PPARD: variants seen among roughly 807,000 people sequenced by gnomAD.
PPARD encodes the protein peroxisome proliferator activated receptor delta, also known as peroxisome proliferator-activated receptor delta.
In PPARD, 6 loss-of-function variants were observed where a neutral mutation model predicts 39.5. The observed-to-expected ratio is 0.15, with a 90% CI of 0.08 to 0.30. The LOEUF (loss-of-function observed/expected upper bound fraction) is 0.30. Ranked by LOEUF, PPARD falls within the 10% of genes least tolerant of loss-of-function variation. PPARD has a pLI of 1.00. For missense variants in PPARD, 397 were observed against 596.8 expected (o/e 0.67, Z 3.49); for synonymous variants, 210 against 231.3 (o/e 0.91, Z 0.83).
chr6:35,423,851 A>G (rs1357224805), intron 5 of PPARD, 95 bp from the exon 6 acceptor site: 18 of 1,259,882 alleles, frequency 1.4e-5, no homozygotes, highest in Admixed American at 1.4e-4. Context: ...TTAGGCTCCA[A>G]AAGGATTTGG....
chr6:35,361,961 A>G (rs1169619762), intron 2 of PPARD, among the ~76,000 whole-genome samples: 2 of 152,206 alleles, frequency 1.3e-5, no homozygotes, highest in Non-Finnish European at 2.9e-5. Flanking sequence ...GATGCCACCA[A>G]TGGCATTTTT....
intron 2 of PPARD, among the ~76,000 whole-genome samples, chr6:35,362,810 G>A (rs1761997694): frequency 6.6e-6 from 1 of 152,010 alleles, no homozygotes; most frequent in Non-Finnish European, 1.5e-5. Context: ...AAGAAAATGT[G>A]TCTCAGTGGC....
chr6:35,397,560 C>G (rs199550022), intron 2 of PPARD: 2 of 985,122 alleles, frequency 2.0e-6, no homozygotes, highest in Admixed American at 6.1e-5. Flanking sequence ...AACTGAAGCC[C>G]GTGGAGCAGT....
At chr6:35,392,232 G>T (rs7758125) in intron 2 of PPARD, among the ~76,000 whole-genome samples, 1 of 151,160 alleles carries the variant, frequency 6.6e-6, no homozygotes, top group Non-Finnish European at 1.5e-5. Context: ...AACGCAGCAC[G>T]GAAGTATTTA....
intron 3 of PPARD, among the ~76,000 whole-genome samples, chr6:35,416,251 G>A (rs917989499): frequency 6.6e-6 from 1 of 151,732 alleles, no homozygotes; most frequent in Admixed American, 6.6e-5. Context: ...CTGGGCGCCT[G>A]TAATCCCAGC....
At chr6:35,348,148 T>C (rs1439602727) in intron 2 of PPARD, among the ~76,000 whole-genome samples, 2 of 152,110 alleles carry the variant, frequency 1.3e-5, no homozygotes, top group Non-Finnish European at 2.9e-5. Flanking sequence ...TGTCAGATGA[T>C]CTACCCGCCT....
chr6:35,410,706 G>A (rs1765369818), intron 2 of PPARD, among the ~76,000 whole-genome samples: 1 of 152,212 alleles, frequency 6.6e-6, no homozygotes, highest in Admixed American at 6.5e-5. Context: ...GGCAGCAGAG[G>A]AGGCAGGGAA....
intron 2 of PPARD, among the ~76,000 whole-genome samples, chr6:35,391,168 C>G (rs6915115): frequency 6.6e-6 from 1 of 151,788 alleles, no homozygotes; most frequent in Non-Finnish European, 1.5e-5. Flanking sequence ...ATAGAAAATG[C>G]GGAAGAGAGC....
intron 2 of PPARD, among the ~76,000 whole-genome samples, chr6:35,391,919 G>A (rs1401774517): frequency 2.0e-5 from 3 of 151,906 alleles, no homozygotes; most frequent in Non-Finnish European, 4.4e-5. Flanking sequence ...CCCTGCCCTT[G>A]TCCTTATGCC....
At chr6:35,375,823 G>A (rs148730861) in intron 2 of PPARD, among the ~76,000 whole-genome samples, 150 of 152,312 alleles carry the variant, frequency 9.8e-4, no homozygotes, top group Non-Finnish European at 1.8e-3. Flanking sequence ...AAAGTGCTGG[G>A]ATTACAGGTG....
intron 2 of PPARD, among the ~76,000 whole-genome samples, chr6:35,353,987 C>G (rs1761410739): frequency 6.6e-6 from 1 of 152,102 alleles, no homozygotes; most frequent in South Asian, 2.1e-4. Context: ...AATCTCAGCA[C>G]TTTGGGAGGC....
At chr6:35,389,823 A>G (rs1763907899) in intron 2 of PPARD, among the ~76,000 whole-genome samples, 1 of 152,184 alleles carries the variant, frequency 6.6e-6, no homozygotes, top group African/African-American at 2.4e-5. Context: ...AAATACAGGA[A>G]CTGTATCATT....
intron 2 of PPARD, among the ~76,000 whole-genome samples, chr6:35,351,729 T>A (rs1371059749): frequency 1.3e-5 from 2 of 152,112 alleles, no homozygotes; most frequent in East Asian, 1.9e-4. Flanking sequence ...CATTTTAAAA[T>A]TTTTTGTAAA....
At chr6:35,422,932 AAGTGGCCAGGTGC>A (rs1433130899) in intron 5 of PPARD, among the ~76,000 whole-genome samples, 1 of 151,876 alleles carries the variant, frequency 6.6e-6, no homozygotes, top group Non-Finnish European at 1.5e-5. Context: ...TAAAAAAGAA[AAGTGGCCAGGTGC>A]AGTGGCTCAC....
intron 2 of PPARD, among the ~76,000 whole-genome samples, chr6:35,398,257 CTGT>C (rs1764472452): frequency 6.6e-6 from 1 of 152,096 alleles, no homozygotes; most frequent in Non-Finnish European, 1.5e-5. Flanking sequence ...AGTTAGGAGG[CTGT>C]TAAGTAATCC....
Position 35,426,145 on chromosome 6 carries a change from C to T in PPARD, c.*66C>T. On this transcript the variant is annotated 3_prime_UTR_variant, in exon 8 of 8. Transcript: ENST00000360694. ...GCACTGGAGGGGCCCACCCACATGACTTTTCCATTGACCAGCCCTTGAGCA... is the reference window on the plus strand; with the variant it reads ...GCACTGGAGGGGCCCACCCACATGATTTTTCCATTGACCAGCCCTTGAGCA... 1.3e-6 allele frequency: 2 copies of T among 1,564,446 alleles called. No individual in the cohort carries two copies. Among genetic ancestry groups the T allele is most frequent in the Non-Finnish European group, 1.7e-6 (2 of 1,160,054 alleles).
chr6:35,371,919 G>A (rs537846660), intron 2 of PPARD, among the ~76,000 whole-genome samples: 437 of 152,312 alleles, frequency 2.9e-3, no homozygotes, highest in Non-Finnish European at 4.6e-3. Context: ...CTAGTCCAAA[G>A]GCAAAGTTCA....
intron 3 of PPARD, among the ~76,000 whole-genome samples, chr6:35,411,737 T>C (rs1430982938): frequency 1.3e-5 from 2 of 152,226 alleles, no homozygotes; most frequent in Non-Finnish European, 2.9e-5. Flanking sequence ...ATATTATTTT[T>C]ATGCAGCCAA....
At chr6:35,348,652 G>C (rs968214557) in intron 2 of PPARD, 9 of 985,410 alleles carry the variant, frequency 9.1e-6, no homozygotes, top group Middle Eastern at 5.2e-4. Context: ...AGGTTTTCCT[G>C]TTGTCAGACA....
Sources: allele counts gnomAD v4.1 joint callset (sites outside exome capture counted in the v4.1 genomes callset), GRCh38; gene constraint gnomAD v4.1.1; transcripts MANE v1.5; gene names NCBI Gene and HGNC (gene_info 2026-07-23, HGNC 2026-07-21).